The following PCDH15 variants were observed in gnomAD, a reference collection of about 807,000 sequenced individuals.
PCDH15 encodes the protein protocadherin-15.
Under a neutral mutation model 178.5 loss-of-function variants are expected in PCDH15, and 129 were observed. The ratio of observed to expected loss-of-function variants is 0.72; its 90% CI spans 0.63 to 0.84. The LOEUF is 0.84. PCDH15 is among the 40% of genes least tolerant of loss of function. The probability of loss-of-function intolerance (pLI) is 0.00; values close to 1 mark genes in which losing one functional copy is unlikely to be tolerated. For synonymous variants in PCDH15, 800 were observed against 732.0 expected (o/e 1.09, Z -1.50); for missense variants, 2,230 against 2,099.9 (o/e 1.06, Z -1.21).
intron 1 of PCDH15, among the ~76,000 whole-genome samples, chr10:55,187,321 G>A (rs913991562): frequency 6.6e-6 from 1 of 151,976 alleles, no homozygotes; most frequent in Admixed American, 6.6e-5. Context: ...ATTGAAATAT[G>A]TAAATATTCA....
rs58884187 is a variant in PCDH15, at chr10:55,054,798, G to T, written c.-80+111778C>A. Among the ~76,000 whole-genome samples, 749 of 152,232 alleles carry T rather than the reference G, an allele frequency of 4.9e-3. 3 individuals are homozygous for T. Among genetic ancestry groups the T allele is most frequent in the African/African-American group, 0.017 (719 of 41,548 alleles). On this transcript the variant is annotated intron_variant, in intron 2 of 5. Coordinates refer to the PCDH15 transcript ENST00000458638. ...GAGCTTATTTTCCCTATGCTTGTTG[G>T]CCACATATATGGTTTCTTTTGAAAA...
In PCDH15 at chr10:53,857,198, T is replaced by G. The variant is rs768053018; in HGVS notation, c.3783A>C (p.Glu1261Asp). 1 of 1,607,324 alleles carries G rather than the reference T, an allele frequency of 6.2e-7. No homozygotes were observed. The highest frequency in any genetic ancestry group is 1.3e-5 in the African/African-American group (1 of 74,864). ...ACTCTGTAAGATCTTCTATCTTTTT[T>G]TCCACTAGAGTAGGAGGCACATTGG... ...IVSNVPPTLV[E>D]KKIEDLTEIL... Residue 1261 changes from glutamate to aspartate, a missense_variant, in exon 28 of 38, where the codon GAA becomes GAC. Transcript: ENST00000644397.
At chr10:55,241,171 G>A (rs1229194266) in intron 1 of PCDH15, among the ~76,000 whole-genome samples, 3 of 152,072 alleles carry the variant, frequency 2.0e-5, no homozygotes, top group South Asian at 2.1e-4. Context: ...AGCCGAGATC[G>A]TGCCACTGCA....
At chr10:54,269,310 T>C (rs1325109292) in intron 8 of PCDH15, among the ~76,000 whole-genome samples, 1 of 151,934 alleles carries the variant, frequency 6.6e-6, no homozygotes, top group Non-Finnish European at 1.5e-5. Flanking sequence ...TTCCTCGCAT[T>C]GGTAGTTAGT....
At chr10:54,287,848 C>A (rs1463500064) in intron 8 of PCDH15, among the ~76,000 whole-genome samples, 3 of 152,122 alleles carry the variant, frequency 2.0e-5, no homozygotes, top group Non-Finnish European at 2.9e-5. Flanking sequence ...TCTTTACAAT[C>A]ATGATTGGGG....
intron 13 of PCDH15, among the ~76,000 whole-genome samples, chr10:54,158,499 C>T (rs759248263): frequency 1.3e-5 from 2 of 152,166 alleles, no homozygotes; most frequent in Non-Finnish European, 1.5e-5. Context: ...CATAGCCAAA[C>T]CATATCACCA....
chr10:54,598,425 C>T (rs1387162724), intron 2 of PCDH15, among the ~76,000 whole-genome samples: 1 of 151,960 alleles, frequency 6.6e-6, no homozygotes, highest in Non-Finnish European at 1.5e-5. Context: ...ATTCTGCTTC[C>T]CTTCATGTTA....
At chr10:53,888,311 T>TATATATATATATATATATATATAC (rs1564690988) in intron 26 of PCDH15, among the ~76,000 whole-genome samples, 2 of 41,840 alleles carry the variant, frequency 4.8e-5, no homozygotes, top group Admixed American at 3.5e-4. Context: ...TATATATATG[T>TATATATATATATATATATATATAC]ATATATGTAC....
chr10:55,147,278 A>G (rs1838545046), intron 2 of PCDH15, among the ~76,000 whole-genome samples: 1 of 151,652 alleles, frequency 6.6e-6, no homozygotes, highest in African/African-American at 2.4e-5. Context: ...AAAAAAAAGA[A>G]AAGAAGTAAA....
chr10:54,389,710 G>T (rs867950387), intron 3 of PCDH15, among the ~76,000 whole-genome samples: 1 of 151,666 alleles, frequency 6.6e-6, no homozygotes, highest in Non-Finnish European at 1.5e-5. Context: ...AGGCCGAGGC[G>T]GGTGGATCAC....
intron 14 of PCDH15, among the ~76,000 whole-genome samples, chr10:54,134,330 C>CACACACACACACACA: frequency 6.7e-6 from 1 of 149,644 alleles, no homozygotes; most frequent in South Asian, 2.2e-4. Context: ...GGTATGAGCA[C>CACACACACACACACA]CACACCTGGC....
intron 25 of PCDH15, among the ~76,000 whole-genome samples, chr10:53,930,144 T>C (rs951658468): frequency 6.6e-6 from 1 of 152,020 alleles, no homozygotes; most frequent in Non-Finnish European, 1.5e-5. Context: ...ACTCATAATT[T>C]TGAAATAATG....
intron 7 of PCDH15, among the ~76,000 whole-genome samples, chr10:54,321,049 T>C (rs537404981): frequency 5.4e-5 from 8 of 147,894 alleles, no homozygotes; most frequent in Admixed American, 4.8e-4. Flanking sequence ...TAAACTTTTG[T>C]TACATTTATT....
chr10:54,940,200 G>T (rs1733757), intron 2 of PCDH15, among the ~76,000 whole-genome samples: 25,453 of 151,862 alleles, frequency 0.17, 2,374 homozygotes, highest in East Asian at 0.23. Context: ...CTAAGCATGG[G>T]TTTCACTGTA....
intron 14 of PCDH15, among the ~76,000 whole-genome samples, chr10:54,133,578 A>G (rs2042628889): frequency 6.6e-6 from 1 of 152,230 alleles, no homozygotes; most frequent in Admixed American, 6.5e-5. Context: ...CTAAAAAGCA[A>G]TATATGATAA....
intron 21 of PCDH15, among the ~76,000 whole-genome samples, chr10:53,983,130 C>G (rs1175502743): frequency 6.6e-6 from 1 of 151,996 alleles, no homozygotes; most frequent in African/African-American, 2.4e-5. Flanking sequence ...ACTACTCTGA[C>G]TGATTTTGTA....
chr10:54,488,635 T>C (rs2079313563), intron 3 of PCDH15, among the ~76,000 whole-genome samples: 1 of 151,994 alleles, frequency 6.6e-6, no homozygotes, highest in Admixed American at 6.6e-5. Context: ...AAGAATTGTG[T>C]ATGAAAAGAA....
intron 1 of PCDH15, among the ~76,000 whole-genome samples, chr10:55,188,965 TA>T (rs1358961903): frequency 6.6e-6 from 1 of 151,710 alleles, no homozygotes; most frequent in Non-Finnish European, 1.5e-5. Flanking sequence ...ATTAAAAAAA[TA>T]AAAAAGAGAA....
intron 2 of PCDH15, among the ~76,000 whole-genome samples, chr10:55,590,179 T>C (rs987978127): frequency 2.0e-5 from 3 of 151,758 alleles, no homozygotes; most frequent in Non-Finnish European, 2.9e-5. Context: ...TGGATGAAAC[T>C]GGAAATCATC....
Sources: allele counts gnomAD v4.1 joint callset (sites outside exome capture counted in the v4.1 genomes callset), GRCh38; gene constraint gnomAD v4.1.1; transcripts MANE v1.5; gene names NCBI Gene and HGNC (gene_info 2026-07-23, HGNC 2026-07-21).